ZDHHC14: variants seen among roughly 807,000 people sequenced by gnomAD.
ZDHHC14 encodes the protein zDHHC palmitoyltransferase 14.
Under a neutral mutation model 47.7 loss-of-function variants are expected in ZDHHC14, and 16 were observed. The ratio of observed to expected loss-of-function variants is 0.34; its 90% CI spans 0.23 to 0.51. The LOEUF (loss-of-function observed/expected upper bound fraction) is 0.51, where lower values mean the gene tolerates loss of function less well. ZDHHC14 is among the 20% of genes least tolerant of loss of function. The pLI, the probability that ZDHHC14 is intolerant of heterozygous loss-of-function variation, is 0.97. For missense variants in ZDHHC14, 515 were observed against 662.5 expected (o/e 0.78, Z 2.44); for synonymous variants, 293 against 278.9 (o/e 1.05, Z -0.50).
At position 157,582,467 on chromosome 6, in the gene ZDHHC14, T is replaced by C. The variant is rs1417897301; in HGVS notation, c.407-10521T>C. Among the ~76,000 whole-genome samples the C allele has an allele frequency of 2.6e-5, 4 of 152,334 alleles. No homozygotes were observed. The South Asian group carries it at 8.3e-4, about 32-fold the overall frequency. Reference sequence around the variant, plus strand: ...TCCTCAACATTTGCTTTGAAAAAGATCTTACTTATCCCTCATTTATGAAGC... The same window carrying C: ...TCCTCAACATTTGCTTTGAAAAAGACCTTACTTATCCCTCATTTATGAAGC... On this transcript the variant is annotated intron_variant, in intron 2 of 8. Coordinates refer to ENST00000359775, the MANE Select transcript of ZDHHC14 (RefSeq NM_024630.3). The surrounding 1 kb of genome is among the most constrained non-coding windows in gnomAD (Gnocchi z 4.3).
chr6:157,634,561 G>A (rs892304352), intron 5 of ZDHHC14, among the ~76,000 whole-genome samples: 1 of 152,218 alleles, frequency 6.6e-6, no homozygotes, highest in Non-Finnish European at 1.5e-5. Context: ...GAAAAGGCTT[G>A]CCTAAGTCTT....
intron 3 of ZDHHC14, among the ~76,000 whole-genome samples, chr6:157,617,648 A>G (rs1583026033): frequency 6.6e-6 from 1 of 151,926 alleles, no homozygotes; most frequent in Non-Finnish European, 1.5e-5. Context: ...CTTTCTGTGC[A>G]TAACATGCCC....
In ZDHHC14 at chr6:157,417,082, C is replaced by T. The variant is rs536825718; in HGVS notation, c.245+34816C>T. Among the ~76,000 whole-genome samples, 5 of 147,718 alleles carry T rather than the reference C, an allele frequency of 3.4e-5. No homozygotes were observed. The East Asian group carries it at 7.9e-4, about 23-fold the overall frequency. ...TGACCTCGTGATCTTCCTACCTCGG[C>T]TTCCCAAAGTGCTAGGATCACAGGC... On this transcript the variant is annotated intron_variant, in intron 1 of 8. Transcript: ENST00000359775.
chr6:157,449,426 A>G (rs34503834), intron 1 of ZDHHC14, among the ~76,000 whole-genome samples: 34,631 of 152,156 alleles, frequency 0.23, 4,338 homozygotes, highest in African/African-American at 0.32. Flanking sequence ...TTCATCCACT[A>G]TAAGTGAACA....
intron 1 of ZDHHC14, among the ~76,000 whole-genome samples, chr6:157,431,796 C>T (rs1778344401): frequency 6.7e-6 from 1 of 149,686 alleles, no homozygotes; most frequent in South Asian, 2.1e-4. Flanking sequence ...GTGTCATGAT[C>T]GTGGCTCACT....
chr6:157,390,514 T>G (rs971664751), intron 1 of ZDHHC14, among the ~76,000 whole-genome samples: 1 of 152,170 alleles, frequency 6.6e-6, no homozygotes, highest in Non-Finnish European at 1.5e-5. Flanking sequence ...GGAACTCCAG[T>G]TAATTATATA....
intron 1 of ZDHHC14, among the ~76,000 whole-genome samples, chr6:157,487,338 C>A (rs17165366): frequency 1.3e-5 from 2 of 152,194 alleles, no homozygotes; most frequent in Non-Finnish European, 2.9e-5. Flanking sequence ...AGTTCCAGCG[C>A]GGTCCTAGTG....
chr6:157,559,932 C>A (rs894118243), intron 2 of ZDHHC14, among the ~76,000 whole-genome samples: 1 of 152,064 alleles, frequency 6.6e-6, no homozygotes, highest in Non-Finnish European at 1.5e-5. Context: ...AAAATAGAAA[C>A]CTTACTTGAA....
intron 1 of ZDHHC14, among the ~76,000 whole-genome samples, chr6:157,441,850 G>GA (rs1190150784): frequency 6.6e-6 from 1 of 152,010 alleles, no homozygotes. Context: ...AAAAAGAAAA[G>GA]AAAAAATCAA....
At position 157,534,497 on chromosome 6, in the gene ZDHHC14, A is replaced by G. The variant is rs180972116; in HGVS notation, c.246-8088A>G. On this transcript the variant is annotated intron_variant, in intron 1 of 8. Coordinates refer to ENST00000359775, the MANE Select transcript of ZDHHC14 (RefSeq NM_024630.3). Reference sequence around the variant, plus strand: ...GTGTTGGCTTTCCCTCCCATGATTCACATGCTACCCAGAAGCCTCTGGCTT... The same window carrying G: ...GTGTTGGCTTTCCCTCCCATGATTCGCATGCTACCCAGAAGCCTCTGGCTT... 3.3e-3 allele frequency among the ~76,000 whole-genome samples: 498 copies of G among 151,688 alleles called. 2 individuals are homozygous for G. Among genetic ancestry groups the G allele is most frequent in the African/African-American group, 0.011 (453 of 41,172 alleles).
At chr6:157,668,293 T>C (rs913054090) in intron 8 of ZDHHC14, among the ~76,000 whole-genome samples, 1 of 152,142 alleles carries the variant, frequency 6.6e-6, no homozygotes, top group Non-Finnish European at 1.5e-5. Flanking sequence ...TTTAAACAAA[T>C]CTGTGTAGAA....
intron 2 of ZDHHC14, among the ~76,000 whole-genome samples, chr6:157,543,744 G>A (rs1015418809): frequency 2.0e-5 from 3 of 152,214 alleles, no homozygotes; most frequent in Non-Finnish European, 2.9e-5. Context: ...GCAGTAAAAT[G>A]GGAGTGTGTG....
At position 157,542,601 on chromosome 6, in the gene ZDHHC14, G is replaced by A; in HGVS notation, c.262G>A (p.Val88Met). 4.3e-6 allele frequency: 7 copies of A among 1,614,134 alleles called. No homozygotes were observed. The highest frequency in any genetic ancestry group is 5.9e-6 in the Non-Finnish European group (7 of 1,180,018). ...FFAFDCPYLA[V>M]KITPAIPAVA... ...TGTCGGCAGCTGTCCGTACCTGGCGGTGAAAATCACCCCTGCCATCCCTGC... is the reference window on the plus strand; with the variant it reads ...TGTCGGCAGCTGTCCGTACCTGGCGATGAAAATCACCCCTGCCATCCCTGC... The change falls in exon 2 of 9, where the codon GTG becomes ATG. Residue 88 changes from valine to methionine, a missense_variant. By Grantham distance (21) the Val-to-Met change is conservative. Around this residue, in one of 4 missense-constraint regions of ZDHHC14, gnomAD observed 229 missense variants for 351.5 expected, o/e 0.65. Transcript: ENST00000359775.
At chr6:157,627,214 T>C (rs1408111918) in intron 3 of ZDHHC14, among the ~76,000 whole-genome samples, 1 of 152,232 alleles carries the variant, frequency 6.6e-6, no homozygotes, top group East Asian at 1.9e-4. Context: ...AAAGTCATGA[T>C]ACTGACTGCC....
intron 1 of ZDHHC14, among the ~76,000 whole-genome samples, chr6:157,512,703 A>G (rs556069764): frequency 1.8e-4 from 27 of 152,298 alleles, no homozygotes; most frequent in South Asian, 8.3e-4. Context: ...AAGAAAGAAA[A>G]AAAGACAGGG....
At chr6:157,578,969 A>G (rs970116071) in intron 2 of ZDHHC14, among the ~76,000 whole-genome samples, 5 of 152,190 alleles carry the variant, frequency 3.3e-5, no homozygotes, top group African/African-American at 1.2e-4. Context: ...TTTGGATACA[A>G]TAGCCTTGTA....
chr6:157,449,315 G>A (rs1778749280), intron 1 of ZDHHC14, among the ~76,000 whole-genome samples: 1 of 152,162 alleles, frequency 6.6e-6, no homozygotes, highest in South Asian at 2.1e-4. Flanking sequence ...GAGGGAAAGA[G>A]AATACTATAC....
chr6:157,401,816 C>T (rs914716539), intron 1 of ZDHHC14, among the ~76,000 whole-genome samples: 6 of 146,796 alleles, frequency 4.1e-5, no homozygotes, highest in African/African-American at 1.3e-4. Context: ...GAGATCACAG[C>T]TTCAGTAGTG....
At chr6:157,429,579 A>AGGG (rs1778295262) in intron 1 of ZDHHC14, among the ~76,000 whole-genome samples, 1 of 126,906 alleles carries the variant, frequency 7.9e-6, no homozygotes, top group Non-Finnish European at 1.6e-5. Flanking sequence ...GGAAGGAAGG[A>AGGG]AGGGAGGGAG....
Sources: allele counts gnomAD v4.1 joint callset (sites outside exome capture counted in the v4.1 genomes callset), GRCh38; gene constraint gnomAD v4.1.1; regional missense constraint gnomAD v4.1.1; non-coding constraint Gnocchi (gnomAD v3.1); transcripts MANE v1.5; gene names NCBI Gene and HGNC (gene_info 2026-07-23, HGNC 2026-07-21).